The following PEBP4 variants were observed in gnomAD, a reference collection of about 807,000 sequenced individuals.
The protein encoded by PEBP4 is phosphatidylethanolamine binding protein 4.
Under a neutral mutation model 23.9 loss-of-function variants are expected in PEBP4, and 22 were observed. The observed-to-expected ratio is 0.92, with a 90% CI of 0.66 to 1.31. PEBP4 has a LOEUF of 1.31. PEBP4 is among the 40% of genes most tolerant of loss of function. The pLI is 0.00. For missense variants in PEBP4, 324 were observed against 281.7 expected (o/e 1.15, Z -1.07); for synonymous variants, 112 against 99.3 (o/e 1.13, Z -0.76).
chr8:22,828,846 C>A (rs368774240), intron 3 of PEBP4, among the ~76,000 whole-genome samples: 1 of 152,078 alleles, frequency 6.6e-6, no homozygotes, highest in Non-Finnish European at 1.5e-5. Context: ...CTTTCCATCT[C>A]GGGCAATCTT....
At chr8:22,921,510 C>T (rs1809199679) in intron 2 of PEBP4, among the ~76,000 whole-genome samples, 1 of 152,218 alleles carries the variant, frequency 6.6e-6, no homozygotes, top group Non-Finnish European at 1.5e-5. Flanking sequence ...TGCATTGCCC[C>T]TCCCACCTTC....
intron 4 of PEBP4, among the ~76,000 whole-genome samples, chr8:22,803,660 A>G (rs1259811743): frequency 2.0e-5 from 3 of 152,068 alleles, no homozygotes; most frequent in South Asian, 2.1e-4. Flanking sequence ...CAAGACTCCA[A>G]CTAAAAAATA....
intron 4 of PEBP4, among the ~76,000 whole-genome samples, chr8:22,746,607 C>T (rs1311468551): frequency 6.6e-6 from 1 of 151,788 alleles, no homozygotes; most frequent in Non-Finnish European, 1.5e-5. Flanking sequence ...CTTTGTTCCG[C>T]CCTCTCCTCC....
At chr8:22,859,779 T>C (rs558938680) in intron 3 of PEBP4, among the ~76,000 whole-genome samples, 1 of 152,182 alleles carries the variant, frequency 6.6e-6, no homozygotes, top group South Asian at 2.1e-4. Flanking sequence ...CCAGCATCCT[T>C]TCCTTGCATA....
At chr8:22,915,550 T>A (rs531878748) in intron 3 of PEBP4, among the ~76,000 whole-genome samples, 2 of 152,334 alleles carry the variant, frequency 1.3e-5, no homozygotes, top group Admixed American at 1.3e-4. Flanking sequence ...GTGTCTTTCG[T>A]CTCTGAATCA....
At chr8:22,721,189 G>A (rs1233487704) in intron 6 of PEBP4, among the ~76,000 whole-genome samples, 2 of 152,146 alleles carry the variant, frequency 1.3e-5, no homozygotes, top group East Asian at 1.9e-4. Context: ...TTATTTGGCA[G>A]AACAGGGAGG....
intron 4 of PEBP4, among the ~76,000 whole-genome samples, chr8:22,750,128 G>A (rs1249864877): frequency 6.9e-6 from 1 of 144,774 alleles, no homozygotes; most frequent in Non-Finnish European, 1.5e-5. Context: ...TTGAGACTGA[G>A]TCTCGCTCCA....
intron 3 of PEBP4, among the ~76,000 whole-genome samples, chr8:22,872,921 C>T (rs1042351679): frequency 6.6e-6 from 1 of 152,194 alleles, no homozygotes; most frequent in Non-Finnish European, 1.5e-5. Flanking sequence ...AGGTGATCCG[C>T]CCGCCTCGGC....
intron 3 of PEBP4, among the ~76,000 whole-genome samples, chr8:22,861,584 C>T (rs2128768745): frequency 6.6e-6 from 1 of 152,330 alleles, no homozygotes; most frequent in Non-Finnish European, 1.5e-5. Context: ...ACAGAGATTA[C>T]ATTGAGCAGA....
chr8:22,738,459 G>A (rs938570546), intron 4 of PEBP4, among the ~76,000 whole-genome samples: 9 of 152,164 alleles, frequency 5.9e-5, no homozygotes, highest in Admixed American at 2.0e-4. Flanking sequence ...GAAACTGCTC[G>A]GTGATGGGAG....
At chr8:22,920,426 C>A in intron 2 of PEBP4, 116 bp from the exon 3 acceptor site, 4 of 1,219,918 alleles carry the variant, frequency 3.3e-6, no homozygotes, top group Non-Finnish European at 4.5e-6. Context: ...AAATCCTAAA[C>A]CTGCCACTAA....
chr8:22,914,562 G>A, intron 3 of PEBP4, among the ~76,000 whole-genome samples: 1 of 152,218 alleles, frequency 6.6e-6, no homozygotes, highest in East Asian at 1.9e-4. Context: ...GGGTAAGGCA[G>A]TGCGTGCGTT....
At chr8:22,827,342 A>G (rs1248656355) in intron 3 of PEBP4, among the ~76,000 whole-genome samples, 3 of 152,224 alleles carry the variant, frequency 2.0e-5, no homozygotes, top group Non-Finnish European at 4.4e-5. Flanking sequence ...TAAATTTAGA[A>G]CATTTTTATC....
intron 3 of PEBP4, among the ~76,000 whole-genome samples, chr8:22,872,825 C>T (rs944422547): frequency 1.3e-5 from 2 of 152,102 alleles, no homozygotes; most frequent in Non-Finnish European, 2.9e-5. Flanking sequence ...TACAGGCATG[C>T]GCCACCACGC....
chr8:22,767,712 G>T (rs1805637914), intron 4 of PEBP4, among the ~76,000 whole-genome samples: 1 of 152,198 alleles, frequency 6.6e-6, no homozygotes, highest in African/African-American at 2.4e-5. Flanking sequence ...CCATTAAATT[G>T]TATGCTTAAG....
chr8:22,790,000 G>A (rs1585273532), intron 4 of PEBP4, among the ~76,000 whole-genome samples: 1 of 152,148 alleles, frequency 6.6e-6, no homozygotes, highest in East Asian at 1.9e-4. Flanking sequence ...CCTCTTCTCT[G>A]GCCCCATGGC....
intron 3 of PEBP4, among the ~76,000 whole-genome samples, chr8:22,855,366 A>C (rs1010450273): frequency 3.9e-5 from 6 of 152,182 alleles, no homozygotes; most frequent in Non-Finnish European, 7.3e-5. Context: ...ACAAAAAGTA[A>C]AATCCCCCAG....
At chr8:22,761,457 T>C (rs566432633) in intron 4 of PEBP4, among the ~76,000 whole-genome samples, 1 of 152,290 alleles carries the variant, frequency 6.6e-6, no homozygotes, top group East Asian at 1.9e-4. Context: ...TCATACAAAA[T>C]GCATTTCCCA....
chr8:22,804,541 A>G (rs1043221110), intron 4 of PEBP4, among the ~76,000 whole-genome samples: 1 of 152,092 alleles, frequency 6.6e-6, no homozygotes, highest in Non-Finnish European at 1.5e-5. Context: ...TTAAGTGTAC[A>G]GTATGGTACT....
Sources: gnomAD v4.1 joint callset for allele counts (sites outside exome capture counted in the v4.1 genomes callset) on GRCh38, gnomAD v4.1.1 for gene constraint, MANE v1.5 for transcripts, NCBI Gene and HGNC (gene_info 2026-07-23, HGNC 2026-07-21) for gene names.